Variants in SYT1 observed in about 807,000 individuals in gnomAD.
The protein encoded by SYT1 is synaptotagmin 1.
SYT1 carries 8 observed loss-of-function variants against 44.8 expected under a neutral mutation model. That is an observed-to-expected ratio of 0.18 (90% CI 0.10 to 0.32). SYT1 has a LOEUF of 0.32. Among genes scored for constraint, SYT1 ranks in the 10% least tolerant of loss-of-function variants. The pLI is 1.00. For synonymous variants in SYT1, 154 were observed against 188.8 expected, an observed-to-expected ratio of 0.82 and a Z score of 1.51; for missense variants, 286 against 509.3, an observed-to-expected ratio of 0.56 and a Z score of 4.22.
chr12:79,188,149 T>C (rs1872909547), intron 3 of SYT1, among the ~76,000 whole-genome samples: 1 of 152,156 alleles, frequency 6.6e-6, no homozygotes, highest in African/African-American at 2.4e-5. Context: ...TGAAATTTCC[T>C]ATTCCAGTTC....
intron 1 of SYT1, among the ~76,000 whole-genome samples, chr12:78,916,313 T>C (rs1359472854): frequency 6.6e-6 from 1 of 152,076 alleles, no homozygotes; most frequent in Non-Finnish European, 1.5e-5. Context: ...ATTAAAATCA[T>C]GGCATAAAAC....
chr12:78,936,332 G>T (rs533723305), intron 1 of SYT1, among the ~76,000 whole-genome samples: 1 of 152,164 alleles, frequency 6.6e-6, no homozygotes, highest in Non-Finnish European at 1.5e-5. Context: ...TGAACACTAG[G>T]ATTCTTTAAA....
At chr12:79,155,947 T>C (rs1015960899) in intron 3 of SYT1, among the ~76,000 whole-genome samples, 62 of 152,346 alleles carry the variant, frequency 4.1e-4, no homozygotes, top group African/African-American at 5.1e-4. Context: ...TCAGCCATTG[T>C]TACATGTGTG....
chr12:79,414,080 A>G (rs1294261602), intron 9 of SYT1, among the ~76,000 whole-genome samples: 1 of 152,178 alleles, frequency 6.6e-6, no homozygotes, highest in African/African-American at 2.4e-5. Context: ...ATAAAACATT[A>G]TTGGGGTTTG....
chr12:79,253,002 A>G (rs1393299400), intron 4 of SYT1, among the ~76,000 whole-genome samples: 4 of 152,146 alleles, frequency 2.6e-5, no homozygotes, highest in African/African-American at 7.2e-5. Flanking sequence ...AGCAAAGGCA[A>G]AAAGGATCTT....
Position 79,353,510 on chromosome 12 carries a change from A to G in SYT1, c.819A>G (p.Lys273=). The G allele has an allele frequency of 6.2e-7, 1 of 1,613,192 alleles. No homozygotes were observed. The highest frequency in any genetic ancestry group is 8.5e-7 in the Non-Finnish European group (1 of 1,179,136). Residue 273 remains lysine, a synonymous_variant, in exon 9 of 11, where the codon AAA becomes AAG. Transcript: ENST00000261205. ...CTTATTGGTTTTCTTAGCAAGAGAA[A>G]TTGGGTGATATCTGCTTCTCCCTTC... ...LQSAEKEEQE[K]LGDICFSLRY...
chr12:79,001,655 G>T (rs1476903858), intron 2 of SYT1, among the ~76,000 whole-genome samples: 1 of 152,086 alleles, frequency 6.6e-6, no homozygotes, highest in Non-Finnish European at 1.5e-5. Context: ...GAACTGAAAG[G>T]CACTCCATAC....
intron 1 of SYT1, among the ~76,000 whole-genome samples, chr12:78,926,330 T>A (rs1485530543): frequency 2.0e-5 from 3 of 152,128 alleles, no homozygotes; most frequent in Non-Finnish European, 4.4e-5. Flanking sequence ...TTGCTGCATT[T>A]TTCTCATGAA....
chr12:79,150,543 C>T (rs1370608669), intron 3 of SYT1, among the ~76,000 whole-genome samples: 1 of 152,004 alleles, frequency 6.6e-6, no homozygotes, highest in Non-Finnish European at 1.5e-5. Flanking sequence ...TGGAGACAGA[C>T]CATAGTTAAT....
At chr12:78,895,414 G>A (rs1351483181) in intron 1 of SYT1, among the ~76,000 whole-genome samples, 1 of 151,582 alleles carries the variant, frequency 6.6e-6, no homozygotes, top group Non-Finnish European at 1.5e-5. Context: ...GCATTTGTTT[G>A]CCTCCCACAT....
At chr12:79,295,991 G>T in intron 6 of SYT1, 78 bp from the exon 7 acceptor site, 1 of 1,431,134 alleles carries the variant, frequency 7.0e-7, no homozygotes, top group Non-Finnish European at 9.5e-7. Context: ...ATCCCAATAT[G>T]CAGCATTGTG....
intron 1 of SYT1, among the ~76,000 whole-genome samples, chr12:78,872,211 T>C (rs906955835): frequency 6.6e-6 from 1 of 151,912 alleles, no homozygotes; most frequent in African/African-American, 2.4e-5. Flanking sequence ...TGCTTTTAAA[T>C]TGTTTTGTAA....
chr12:79,242,952 C>T (rs1195775626), intron 4 of SYT1, among the ~76,000 whole-genome samples: 2 of 152,168 alleles, frequency 1.3e-5, no homozygotes, highest in Non-Finnish European at 2.9e-5. Flanking sequence ...TTAATGGACT[C>T]ACAGTACCAT....
Position 79,026,702 on chromosome 12 carries a change from T to TATATATATATATATATAAAA in SYT1, c.-83-20595_-83-20594insATATATATATATATATAAAA, listed in dbSNP as rs34140383. Among the ~76,000 whole-genome samples, 324 of 125,234 alleles carry TATATATATATATATATAAAA rather than the reference T, an allele frequency of 2.6e-3. 3 individuals are homozygous for TATATATATATATATATAAAA. The highest frequency in any genetic ancestry group is 5.7e-3 in the East Asian group (22 of 3,832). The allele number at this position is 125,234 out of a possible 152,430, so 82.2% of individuals were successfully genotyped here. A position where few individuals can be genotyped will look rare whatever the true frequency, so the allele number is the denominator to read the frequency against. The stretch of plus-strand genomic sequence containing the variant: ...ATATATATATATATATATATATATA[T>TATATATATATATATATAAAA]CACACTTTCATTGTCCATTCACTAT... On this transcript the variant is annotated intron_variant, in intron 2 of 10. Transcript: ENST00000261205.
intron 3 of SYT1, among the ~76,000 whole-genome samples, chr12:79,193,401 G>A (rs1359573309): frequency 6.6e-6 from 1 of 152,142 alleles, no homozygotes; most frequent in Non-Finnish European, 1.5e-5. Flanking sequence ...ATAATTAAGT[G>A]GGAGTGGAAT....
intron 3 of SYT1, among the ~76,000 whole-genome samples, chr12:79,086,805 C>T (rs1877412338): frequency 6.6e-6 from 1 of 152,152 alleles, no homozygotes; most frequent in African/African-American, 2.4e-5. Flanking sequence ...AAGGCTGTTG[C>T]GTGCTGTGTG....
intron 3 of SYT1, among the ~76,000 whole-genome samples, chr12:79,214,596 G>A (rs937219720): frequency 6.6e-6 from 1 of 152,194 alleles, no homozygotes; most frequent in African/African-American, 2.4e-5. Context: ...GGAGGATCCA[G>A]CTATCAGTAC....
chr12:78,898,052 C>T (rs1333481636), intron 1 of SYT1, among the ~76,000 whole-genome samples: 5 of 152,034 alleles, frequency 3.3e-5, no homozygotes, highest in East Asian at 1.9e-4. Flanking sequence ...CATTCATAAA[C>T]GCTTGAATGT....
intron 9 of SYT1, among the ~76,000 whole-genome samples, chr12:79,360,280 C>T (rs1346570098): frequency 6.6e-6 from 1 of 151,824 alleles, no homozygotes; most frequent in Non-Finnish European, 1.5e-5. Flanking sequence ...CTATTTCTTT[C>T]ATCAGTCCAG....
Sources: gnomAD v4.1 joint callset for allele counts (sites outside exome capture counted in the v4.1 genomes callset) on GRCh38, gnomAD v4.1.1 for gene constraint, MANE v1.5 for transcripts, NCBI Gene and HGNC (gene_info 2026-07-23, HGNC 2026-07-21) for gene names.